Variants in C12orf42 observed in about 807,000 individuals in gnomAD.
C12orf42 encodes chromosome 12 open reading frame 42.
Under a neutral mutation model 21.6 loss-of-function variants are expected in C12orf42, and 25 were observed. The observed-to-expected ratio is 1.16, with a 90% CI of 0.84 to 1.62. The LOEUF (loss-of-function observed/expected upper bound fraction) is 1.62. C12orf42 is among the 40% of genes most tolerant of loss of function. The probability of loss-of-function intolerance (pLI) is 0.00; values close to 1 mark genes in which losing one functional copy is unlikely to be tolerated. For missense variants in C12orf42, 483 were observed against 459.3 expected (o/e 1.05, Z -0.47); for synonymous variants, 174 against 175.0 (o/e 0.99, Z 0.05).
At chr12:103,432,590 T>C (rs1950346908) in intron 2 of C12orf42, among the ~76,000 whole-genome samples, 1 of 152,228 alleles carries the variant, frequency 6.6e-6, no homozygotes, top group Admixed American at 6.5e-5. Context: ...GCTCTTACTG[T>C]ATGTTATGGG....
the C12orf42 span, among the ~76,000 whole-genome samples, chr12:103,198,202 T>C: frequency 1.3e-5 from 2 of 152,038 alleles, no homozygotes; most frequent in Admixed American, 1.3e-4. Flanking sequence ...CGTGGGTGAA[T>C]GAGTGCCAGC....
the C12orf42 span, among the ~76,000 whole-genome samples, chr12:103,157,282 C>T: frequency 6.6e-5 from 10 of 152,084 alleles, no homozygotes; most frequent in Non-Finnish European, 1.2e-4. Flanking sequence ...ATTTGAGAAG[C>T]GTCTGTTCAT....
the C12orf42 span, among the ~76,000 whole-genome samples, chr12:103,047,836 G>A: frequency 6.6e-6 from 1 of 152,290 alleles, no homozygotes; most frequent in South Asian, 2.1e-4. Context: ...GACCAGCCCA[G>A]TTTGTTCACA....
At chr12:103,460,958 C>G (rs1952660045) in intron 2 of C12orf42, among the ~76,000 whole-genome samples, 1 of 152,106 alleles carries the variant, frequency 6.6e-6, no homozygotes, top group Admixed American at 6.6e-5. Context: ...CTGGGATTTT[C>G]TCTGTGCAAT....
the C12orf42 span, among the ~76,000 whole-genome samples, chr12:103,518,734 T>C: frequency 6.6e-6 from 1 of 152,234 alleles, no homozygotes; most frequent in Non-Finnish European, 1.5e-5. Context: ...TCTATCTTTT[T>C]TAATCCGTAT....
downstream of C12orf42, among the ~76,000 whole-genome samples, chr12:103,299,580 A>G (rs893493087): frequency 1.3e-5 from 2 of 152,220 alleles, no homozygotes; most frequent in African/African-American, 4.8e-5. Flanking sequence ...CAAACCACAT[A>G]AAGAAATAAA....
At chr12:103,379,111 T>C (rs2045944950) in intron 3 of C12orf42, among the ~76,000 whole-genome samples, 1 of 152,136 alleles carries the variant, frequency 6.6e-6, no homozygotes. Context: ...CTCAATATCA[T>C]CTGAGGTTTT....
intron 4 of C12orf42, among the ~76,000 whole-genome samples, chr12:103,325,839 G>T (rs1323554603): frequency 6.6e-6 from 1 of 152,076 alleles, no homozygotes; most frequent in Non-Finnish European, 1.5e-5. Flanking sequence ...GATATGGAGG[G>T]CTTCCTATGA....
At chr12:103,349,911 T>C (rs369828714) in intron 4 of C12orf42, among the ~76,000 whole-genome samples, 2 of 152,166 alleles carry the variant, frequency 1.3e-5, no homozygotes, top group Admixed American at 6.6e-5. Context: ...GGAGTAAGTA[T>C]AGTCCACAAA....
the C12orf42 span, among the ~76,000 whole-genome samples, chr12:103,538,128 T>C: frequency 3.3e-5 from 5 of 152,138 alleles, no homozygotes; most frequent in African/African-American, 1.2e-4. Context: ...ACAGGGAGAT[T>C]GTGGGGACAG....
chr12:103,545,961 T>C, the C12orf42 span, among the ~76,000 whole-genome samples: 1 of 152,228 alleles, frequency 6.6e-6, no homozygotes, highest in Non-Finnish European at 1.5e-5. Flanking sequence ...CTCTAGTTTA[T>C]GAATAGAGAC....
At chr12:103,547,547 A>G in the C12orf42 span, among the ~76,000 whole-genome samples, 1 of 152,206 alleles carries the variant, frequency 6.6e-6, no homozygotes, top group African/African-American at 2.4e-5. Context: ...CCAACCCCTG[A>G]GGGAATAGAA....
the C12orf42 span, among the ~76,000 whole-genome samples, chr12:103,076,302 T>A: frequency 1.3e-5 from 2 of 151,764 alleles, no homozygotes; most frequent in South Asian, 4.2e-4. Flanking sequence ...TTTTTTTTTT[T>A]TAAATAAGTA....
At chr12:103,200,802 G>A in the C12orf42 span, among the ~76,000 whole-genome samples, 15 of 152,194 alleles carry the variant, frequency 9.9e-5, no homozygotes, top group African/African-American at 3.6e-4. Flanking sequence ...AGTAATTGCA[G>A]TTTTAGACCA....
At chr12:103,205,967 C>G in the C12orf42 span, among the ~76,000 whole-genome samples, 1 of 152,198 alleles carries the variant, frequency 6.6e-6, no homozygotes, top group Admixed American at 6.5e-5. Flanking sequence ...AGGATTCCCT[C>G]TTGACATCCC....
At chr12:103,133,502 C>T in the C12orf42 span, among the ~76,000 whole-genome samples, 8 of 152,160 alleles carry the variant, frequency 5.3e-5, no homozygotes, top group Non-Finnish European at 8.8e-5. Context: ...CAAGGACTCA[C>T]CTGGCATCCC....
the C12orf42 span, among the ~76,000 whole-genome samples, chr12:103,205,704 C>T: frequency 6.6e-6 from 1 of 152,008 alleles, no homozygotes; most frequent in South Asian, 2.1e-4. Context: ...TGTATACAGC[C>T]AAAGGCAGGA....
chr12:103,177,277 T>C, the C12orf42 span, among the ~76,000 whole-genome samples: 4 of 152,112 alleles, frequency 2.6e-5, no homozygotes, highest in Non-Finnish European at 5.9e-5. Context: ...TTCAGTGATG[T>C]GACTAAATTT....
chr12:103,483,268 T>A (rs1418754700), intron 1 of C12orf42, among the ~76,000 whole-genome samples: 1 of 152,074 alleles, frequency 6.6e-6, no homozygotes, highest in East Asian at 1.9e-4. Flanking sequence ...ACCACTTGGA[T>A]TGGGTTGTTG....
Sources: gnomAD v4.1 joint callset for allele counts (sites outside exome capture counted in the v4.1 genomes callset) on GRCh38, gnomAD v4.1.1 for gene constraint, MANE v1.5 for transcripts, NCBI Gene and HGNC (gene_info 2026-07-23, HGNC 2026-07-21) for gene names.